The following THOC5 variants were observed in gnomAD, a reference collection of about 807,000 sequenced individuals.
THOC5 encodes the protein THO complex subunit 5.
THOC5 carries 43 observed loss-of-function variants against 92.9 expected under a neutral mutation model. The ratio of observed to expected loss-of-function variants is 0.46; its 90% CI spans 0.36 to 0.60. THOC5 has a LOEUF of 0.60. THOC5 is among the 20% of genes least tolerant of loss of function. The pLI is 0.00. For synonymous variants in THOC5, 296 were observed against 320.1 expected (o/e 0.92, Z 0.80); for missense variants, 659 against 849.4 (o/e 0.78, Z 2.79).
intron 17 of THOC5, 75 bp downstream of exon 17, chr22:29,516,954 T>G: frequency 6.9e-7 from 1 of 1,450,186 alleles, no homozygotes; most frequent in East Asian, 2.3e-5. Context: ...TCTTCTGCTT[T>G]GGGCAGCCCC....
At chr22:29,518,550 C>T (rs902136139) in intron 15 of THOC5, among the ~76,000 whole-genome samples, 1 of 152,174 alleles carries the variant, frequency 6.6e-6, no homozygotes, top group African/African-American at 2.4e-5. Context: ...AAGGGATATG[C>T]GAGTTGCTCC....
rs1360639040 is a variant in THOC5, at chr22:29,531,825, A to T, written c.847+6T>A. On this transcript the variant is annotated splice_donor_region_variant and intron_variant, in intron 8 of 19. Transcript: ENST00000490103. ...CCCCTTGTCCTCACCCAGGCCCCAT[A>T]CTCACCACAGGCCTGCCCATACGCA... 6.2e-7 allele frequency: 1 copy of T among 1,613,338 alleles called. No individual in the cohort carries two copies. The highest frequency in any genetic ancestry group is 1.7e-5 in the Admixed American group (1 of 59,928).
At chr22:29,516,755 G>A (rs1027037736) in intron 17 of THOC5, among the ~76,000 whole-genome samples, 70 of 152,180 alleles carry the variant, frequency 4.6e-4, no homozygotes, top group African/African-American at 1.5e-3. Flanking sequence ...CAGGCTCAGC[G>A]CTCAGACTGG....
At chr22:29,537,814 C>G (rs2063790495) in intron 6 of THOC5, among the ~76,000 whole-genome samples, 1 of 151,900 alleles carries the variant, frequency 6.6e-6, no homozygotes, top group Admixed American at 6.6e-5. Flanking sequence ...TTGGTTGAAC[C>G]AGGGAGGTGG....
rs146201512 is a variant in THOC5, at chr22:29,511,051, G to C, written c.1988+55C>G. 7.0e-5 allele frequency: 110 copies of C among 1,564,274 alleles called. No homozygotes were observed. In the East Asian group the frequency reaches 2.2e-3, roughly 32 times the overall value. ...AGCTCTCCCCAGAAAATCTGGCTCT[G>C]ATCTCTGTCCCACATCACCATGAGA... On this transcript the variant is annotated intron_variant, in intron 19 of 19. Coordinates refer to ENST00000490103, the MANE Select transcript of THOC5 (RefSeq NM_003678.5).
At chr22:29,543,582 G>T in intron 3 of THOC5, 40 bp from the exon 4 acceptor site, 1 of 1,510,056 alleles carries the variant, frequency 6.6e-7, no homozygotes, top group Non-Finnish European at 9.2e-7. Context: ...TGACGACAGG[G>T]CTAGCTCAGC....
intron 6 of THOC5, among the ~76,000 whole-genome samples, chr22:29,537,777 G>A (rs1363409973): frequency 6.6e-6 from 1 of 152,012 alleles, no homozygotes; most frequent in Non-Finnish European, 1.5e-5. Context: ...TGTAGTCCCA[G>A]CTTCTCAGGA....
chr22:29,544,357 G>T (rs1431439464), intron 3 of THOC5, 103 bp downstream of exon 3: 5 of 1,308,868 alleles, frequency 3.8e-6, no homozygotes, highest in Non-Finnish European at 5.2e-6. Context: ...CCTGATCATG[G>T]CTAGGACAGA....
intron 1 of THOC5, among the ~76,000 whole-genome samples, chr22:29,552,053 C>A (rs2064163123): frequency 6.6e-6 from 1 of 152,198 alleles, no homozygotes; most frequent in Non-Finnish European, 1.5e-5. Flanking sequence ...TCCCGAGGTG[C>A]CAGGATTGCA....
chr22:29,530,987 AT>A lies in THOC5; in HGVS notation c.847+843del, dbSNP rs537358710. On this transcript the variant is annotated intron_variant, in intron 8 of 19. Transcript: ENST00000490103. The stretch of plus-strand genomic sequence containing the variant: ...ATCAAGCACTGGCAAACAACAGACT[AT>A]TTTTTTCAGCCATTTAATATTAGCA... 60 of 967,554 alleles carry A rather than the reference AT, an allele frequency of 6.2e-5. No individual in the cohort carries two copies. In the East Asian group the frequency reaches 1.0e-3, roughly 17 times the overall value. 59.9% of individuals were successfully genotyped at this position (967,554 alleles called of 1,614,324 possible).
At chr22:29,532,297 A>T (rs2063671118) in intron 7 of THOC5, among the ~76,000 whole-genome samples, 1 of 151,710 alleles carries the variant, frequency 6.6e-6, no homozygotes, top group Non-Finnish European at 1.5e-5. Flanking sequence ...CCATTTCCAC[A>T]AAAAATAAAA....
In THOC5 at chr22:29,529,145, C is replaced by A. The variant is rs372633915; in HGVS notation, c.925+17G>T. 1.9e-5 allele frequency: 31 copies of A among 1,613,916 alleles called. No individual in the cohort carries two copies. The highest frequency in any genetic ancestry group is 2.4e-5 in the Non-Finnish European group (28 of 1,179,910). ...GACCTGGTGTCCCTGGGGGACGAAT[C>A]CCAACCACCACATTACCTTGGGAGT... is the stretch of plus-strand genomic sequence containing the variant. On this transcript the variant is annotated intron_variant, in intron 9 of 19. Transcript: ENST00000490103.
At chr22:29,527,219 A>G (rs1214274405) in intron 11 of THOC5, among the ~76,000 whole-genome samples, 1 of 152,188 alleles carries the variant, frequency 6.6e-6, no homozygotes, top group East Asian at 1.9e-4. Context: ...CAGGGGTTCA[A>G]GACCAGCCTG....
At chr22:29,553,498 T>C (rs2064223687) in intron 1 of THOC5, 173 bp downstream of exon 1, 1 of 152,452 alleles carries the variant, frequency 6.6e-6, no homozygotes, top group African/African-American at 2.4e-5. Flanking sequence ...AGCGAACACT[T>C]TTCGGATGAG....
intron 5 of THOC5, 61 bp downstream of exon 5, chr22:29,542,798 C>A: frequency 8.8e-7 from 1 of 1,130,894 alleles, no homozygotes; most frequent in Non-Finnish European, 1.3e-6. Flanking sequence ...CAGTGAGCTA[C>A]ATGGGAAAAA....
Position 29,527,634 on chromosome 22 carries a change from T to C in THOC5, c.1066+444A>G, listed in dbSNP as rs192116266. 2.0e-5 allele frequency among the ~76,000 whole-genome samples: 3 copies of C among 152,276 alleles called. No homozygotes were observed. In the East Asian group the frequency reaches 5.8e-4, roughly 29 times the overall value. On this transcript the variant is annotated intron_variant, in intron 11 of 19. Transcript: ENST00000490103. ...AGGACTGGTATATAGGAACCTGTGGTGAGAGGGAAACTTAAATTTTACTGT... is the reference window on the plus strand; with the variant it reads ...AGGACTGGTATATAGGAACCTGTGGCGAGAGGGAAACTTAAATTTTACTGT...
chr22:29,531,284 T>C, intron 8 of THOC5: 1 of 985,366 alleles, frequency 1.0e-6, no homozygotes, highest in Non-Finnish European at 1.2e-6. Context: ...ATGTAGGTGC[T>C]GGGTGAAAGC....
At chr22:29,551,910 C>G (rs1287510455) in intron 1 of THOC5, among the ~76,000 whole-genome samples, 1 of 150,126 alleles carries the variant, frequency 6.7e-6, no homozygotes, top group Non-Finnish European at 1.5e-5. Context: ...CTCAGCCTGC[C>G]GAGTGCCTGC....
chr22:29,537,070 C>G (rs2063774511), intron 6 of THOC5, among the ~76,000 whole-genome samples: 1 of 152,278 alleles, frequency 6.6e-6, no homozygotes, highest in East Asian at 1.9e-4. Flanking sequence ...GAGGCTCTGT[C>G]TGCTCTGTAA....
Sources: gnomAD v4.1 joint callset for allele counts (sites outside exome capture counted in the v4.1 genomes callset) on GRCh38, gnomAD v4.1.1 for gene constraint, MANE v1.5 for transcripts, NCBI Gene and HGNC (gene_info 2026-07-23, HGNC 2026-07-21) for gene names.